Variants in RFX1 observed in about 807,000 individuals in gnomAD.
The protein encoded by RFX1 is MHC class II regulatory factor RFX1.
A neutral mutation model predicts 119.6 loss-of-function variants in RFX1; 42 were observed. That is an observed-to-expected ratio of 0.35 (90% CI 0.27 to 0.45). RFX1 has a LOEUF of 0.45. Among genes scored for constraint, RFX1 ranks in the 20% least tolerant of loss-of-function variants. The pLI, the probability that RFX1 is intolerant of heterozygous loss-of-function variation, is 1.00. For missense variants in RFX1, 1,118 were observed against 1,368.1 expected (o/e 0.82, Z 2.88); for synonymous variants, 628 against 618.5 (o/e 1.02, Z -0.23).
At chr19:14,001,595 C>T (rs1354275848) in intron 1 of RFX1, among the ~76,000 whole-genome samples, 1 of 152,236 alleles carries the variant, frequency 6.6e-6, no homozygotes, top group East Asian at 1.9e-4. Flanking sequence ...GCCACTGAGT[C>T]TGGCTGGATT....
At chr19:14,005,611 G>C (rs1300845351) in intron 1 of RFX1, among the ~76,000 whole-genome samples, 2 of 152,300 alleles carry the variant, frequency 1.3e-5, no homozygotes, top group Non-Finnish European at 2.9e-5. Context: ...TGAGTCCTGG[G>C]ACAACTGCAA....
Position 13,979,464 on chromosome 19 carries a change from C to T in RFX1, c.817G>A (p.Val273Ile), listed in dbSNP as rs747379983. Reference sequence around the variant, plus strand: ...ACACACACCTCTTGAGCCACGTGGACTGGCTGGAGGCCCTGCACGGTCAGC... The same window carrying T: ...ACACACACCTCTTGAGCCACGTGGATTGGCTGGAGGCCCTGCACGGTCAGC... ...QPLTVQGLQP[V>I]HVAQEVQQLQ... Residue 273 changes from valine to isoleucine, a missense_variant, in exon 7 of 21, where the codon GTC (valine) becomes ATC (isoleucine). Transcript: ENST00000254325. 1.3e-5 allele frequency: 21 copies of T among 1,595,278 alleles called. No individual in the cohort carries two copies. Among genetic ancestry groups the T allele is most frequent in the Admixed American group, 1.7e-5 (1 of 58,842 alleles).
chr19:13,972,277 A>G (rs766058303), intron 9 of RFX1, among the ~76,000 whole-genome samples: 42 of 151,284 alleles, frequency 2.8e-4, no homozygotes, highest in Non-Finnish European at 4.7e-4. Context: ...GCTCACTGCA[A>G]CCACCTCCCA....
intron 9 of RFX1, 60 bp from the exon 10 acceptor site, chr19:13,970,235 C>T: frequency 6.8e-7 from 1 of 1,466,152 alleles, no homozygotes; most frequent in Non-Finnish European, 9.2e-7. Flanking sequence ...TCTCTGAGTG[C>T]TGGGGCTGAG....
Position 13,966,817 on chromosome 19 carries a change from G to C in RFX1, c.1733-66C>G, listed in dbSNP as rs931671396. 1.8e-6 allele frequency: 2 copies of C among 1,097,348 alleles called. No homozygotes were observed. Among genetic ancestry groups the C allele is most frequent in the Non-Finnish European group, 2.7e-6 (2 of 753,818 alleles). The allele number at this position is 1,097,348 out of a possible 1,614,324, so 68.0% of individuals were successfully genotyped here. A position where few individuals can be genotyped will look rare whatever the true frequency, so the allele number is the denominator to read the frequency against. The stretch of plus-strand genomic sequence containing the variant: ...TGCCTGCCCACCCTGGGGTCCTACT[G>C]ACCTGTCCGTTTCCCATCAGACTGG... On this transcript the variant is annotated intron_variant, in intron 12 of 20. Transcript: ENST00000254325. This position sits in a 1 kb window ranked among gnomAD's most constrained non-coding sequence, Gnocchi z 6.3.
In RFX1 at chr19:13,963,136, C is replaced by T; in HGVS notation, c.2710G>A (p.Ala904Thr). Residue 904 changes from alanine to threonine, a missense_variant, in exon 19 of 21, where the codon GCC becomes ACC. By Grantham distance (58) the Ala-to-Thr change is moderately conservative. Coordinates refer to ENST00000254325, the MANE Select transcript of RFX1 (RefSeq NM_002918.5). ...GCCTCGCGCACCTCGCCCATGACGG[C>T]GATGGGGGTCTCGCCCTTGGCCTGG... is the stretch of plus-strand genomic sequence containing the variant. Reference protein sequence around the residue: ...VAQAKGETPIAVMGEFANLAT... With the variant: ...VAQAKGETPITVMGEFANLAT... 6.2e-7 allele frequency: 1 copy of T among 1,611,610 alleles called. No individual in the cohort carries two copies. The highest frequency in any genetic ancestry group is 8.5e-7 in the Non-Finnish European group (1 of 1,178,800).
intron 1 of RFX1, among the ~76,000 whole-genome samples, chr19:14,002,441 C>A (rs942008457): frequency 2.0e-5 from 3 of 151,402 alleles, no homozygotes; most frequent in African/African-American, 7.3e-5. Flanking sequence ...GCTGAGATCA[C>A]GCCACTGCAC....
Position 13,983,239 on chromosome 19 carries a change from T to C in RFX1, c.461A>G (p.Lys154Arg), listed in dbSNP as rs760319316. ...RLLVQTSVQA[K>R]PGHVSPLQLT... ...CTGGAGGGGCGACACGTGGCCTGGC[T>C]TGGCCTGCACGCTCGTCTGGACCAG... Residue 154 changes from lysine to arginine, a missense_variant, in exon 4 of 21, where the codon AAG becomes AGG. Around this residue, in one of 5 missense-constraint regions of RFX1, gnomAD observed 542 missense variants for 602.7 expected, o/e 0.90. Transcript: ENST00000254325. 8.2e-6 allele frequency: 13 copies of C among 1,576,072 alleles called. No homozygotes were observed. Among genetic ancestry groups the C allele is most frequent in the Non-Finnish European group, 8.6e-7 (1 of 1,165,344 alleles).
rs1277039146 is a variant in RFX1 at position 13,965,820 on chromosome 19, G to C, written c.1962-43C>G. On this transcript the variant is annotated intron_variant, in intron 14 of 20. Transcript: ENST00000254325. The surrounding 1 kb of genome is among the most constrained non-coding windows in gnomAD (Gnocchi z 4.7). ...ACCCCGGGTCACTGGGGTACTCTAT[G>C]GTCCTGCCCCCATCGTCAGAAGGGA... 6.2e-7 allele frequency: 1 copy of C among 1,602,224 alleles called. No individual in the cohort carries two copies. Among genetic ancestry groups the C allele is most frequent in the Admixed American group, 1.7e-5 (1 of 59,602 alleles).
chr19:13,996,294 A>T (rs924298876), intron 1 of RFX1, among the ~76,000 whole-genome samples: 2 of 152,212 alleles, frequency 1.3e-5, no homozygotes, highest in Non-Finnish European at 2.9e-5. Context: ...GCCTGGCCCC[A>T]GAAGGCATTT....
chr19:13,968,701 G>A lies in RFX1; in HGVS notation c.1617-21C>T, dbSNP rs1599478358. 18 of 1,611,684 alleles carry A rather than the reference G, an allele frequency of 1.1e-5. No homozygotes were observed. In the East Asian group the frequency reaches 4.0e-4, roughly 36 times the overall value. ...TGAGCCTGGAGTAGAATGGGCAGGT[G>A]GGCCGGCTGCTGGGGGCCGGCCTGT... On this transcript the variant is annotated intron_variant, in intron 11 of 20. Transcript: ENST00000254325. The surrounding 1 kb of genome is among the most constrained non-coding windows in gnomAD (Gnocchi z 5.5).
In RFX1 at chr19:13,993,562, C is replaced by CGAA; in HGVS notation, c.279_281dup (p.Ser94dup). 6.2e-7 allele frequency: 1 copy of CGAA among 1,612,856 alleles called. No homozygotes were observed. Among genetic ancestry groups the CGAA allele is most frequent in the Non-Finnish European group, 8.5e-7 (1 of 1,179,518 alleles). On this transcript the variant is annotated inframe_insertion, in exon 2 of 21. Transcript: ENST00000254325. ...CCACGATGTACTGCTGGGGTGCAGG[C>CGAA]GAAGGGGTGGGTGCACCGGTTGGCT...
In RFX1 at chr19:13,969,928, T is replaced by TGGGGGGGGGGGG; in HGVS notation, c.1496+65_1496+66insCCCCCCCCCCCC. On this transcript the variant is annotated intron_variant, in intron 10 of 20. Transcript: ENST00000254325. The surrounding 1 kb of genome is among the most constrained non-coding windows in gnomAD (Gnocchi z 4.5). ...CTGGACTGCCTGAGATGACTCGGAG[T>TGGGGGGGGGGGG]GGGGGTGGGCCTTGGCATGCCCACC... is the stretch of plus-strand genomic sequence containing the variant. 5 of 1,488,584 alleles carry TGGGGGGGGGGGG rather than the reference T, an allele frequency of 3.4e-6. No homozygotes were observed. The highest frequency in any genetic ancestry group is 4.5e-6 in the Non-Finnish European group (5 of 1,102,158). 92.2% of individuals were successfully genotyped at this position (1,488,584 alleles called of 1,614,324 possible). A position where few individuals can be genotyped will look rare whatever the true frequency, so the allele number is the denominator to read the frequency against.
intron 18 of RFX1, 96 bp from the exon 19 acceptor site, chr19:13,963,371 C>T: frequency 1.4e-6 from 2 of 1,475,758 alleles, no homozygotes; most frequent in Non-Finnish European, 1.8e-6. Flanking sequence ...CGCGCCAGCC[C>T]AGTGACTCAG....
At chr19:13,972,198 AT>A (rs763759891) in intron 9 of RFX1, among the ~76,000 whole-genome samples, 5,120 of 133,794 alleles carry the variant, frequency 0.038, 292 homozygotes, top group African/African-American at 0.13. Flanking sequence ...AGTAGACAAC[AT>A]TTTTTTTTTT....
chr19:14,004,919 G>T (rs1009195362), intron 1 of RFX1, among the ~76,000 whole-genome samples: 1 of 152,156 alleles, frequency 6.6e-6, no homozygotes, highest in Non-Finnish European at 1.5e-5. Flanking sequence ...CACAAACATG[G>T]ATAGCTTCCC....
At position 13,968,845 on chromosome 19, in the gene RFX1, G is replaced by C. The variant is rs1368983698; in HGVS notation, c.1546C>G (p.Pro516Ala). 1 of 1,554,272 alleles carries C rather than the reference G, an allele frequency of 6.4e-7. No individual in the cohort carries two copies. Among genetic ancestry groups the C allele is most frequent in the Non-Finnish European group, 8.7e-7 (1 of 1,148,840 alleles). The change falls in exon 11 of 21, where the codon CCC (proline) becomes GCC (alanine). Residue 516 changes from proline to alanine, a missense_variant. Pro to Ala is a conservative substitution (Grantham distance 27). This residue lies in a region of RFX1 where 338 missense variants were observed against 508.9 expected (regional missense o/e 0.66). Coordinates refer to ENST00000254325, the MANE Select transcript of RFX1 (RefSeq NM_002918.5). The surrounding 1 kb of genome is among the most constrained non-coding windows in gnomAD (Gnocchi z 5.5). ...YYGLRIKASSPLLRLMEDQQH... is the reference protein window; with the variant it reads ...YYGLRIKASSALLRLMEDQQH... ...TGGTCCTCCATCAGCCGCAGCAGGGGTGAGCTGGCCTTGATGCGCAGGCCA... is the reference window on the plus strand; with the variant it reads ...TGGTCCTCCATCAGCCGCAGCAGGGCTGAGCTGGCCTTGATGCGCAGGCCA...
At chr19:13,982,587 T>C (rs1269526127) in intron 4 of RFX1, among the ~76,000 whole-genome samples, 2 of 152,214 alleles carry the variant, frequency 1.3e-5, no homozygotes, top group East Asian at 3.8e-4. Flanking sequence ...GCAGATCACC[T>C]GAGGTCAGGA....
At chr19:13,984,764 G>A (rs1254639248) in intron 2 of RFX1, among the ~76,000 whole-genome samples, 1 of 152,212 alleles carries the variant, frequency 6.6e-6, no homozygotes, top group East Asian at 1.9e-4. Flanking sequence ...ACCCCCGGCA[G>A]GACTGAAGGG....
Sources: allele counts gnomAD v4.1 joint callset (sites outside exome capture counted in the v4.1 genomes callset), GRCh38; gene constraint gnomAD v4.1.1; regional missense constraint gnomAD v4.1.1; non-coding constraint Gnocchi (gnomAD v3.1); transcripts MANE v1.5; gene names NCBI Gene and HGNC (gene_info 2026-07-23, HGNC 2026-07-21).